DICER1: variants seen among roughly 807,000 people sequenced by gnomAD.
DICER1 encodes dicer 1, ribonuclease III.
Under a neutral mutation model 194.1 loss-of-function variants are expected in DICER1, and 43 were observed. The observed-to-expected ratio is 0.22, with a 90% CI of 0.17 to 0.29. The LOEUF is 0.29. Ranked by LOEUF, DICER1 falls within the 10% of genes least tolerant of loss-of-function variation. The pLI, the probability that DICER1 is intolerant of heterozygous loss-of-function variation, is 1.00. For synonymous variants in DICER1, 832 were observed against 820.5 expected (o/e 1.01, Z -0.24); for missense variants, 1,608 against 2,317.0 (o/e 0.69, Z 6.28).
intron 1 of DICER1, among the ~76,000 whole-genome samples, chr14:95,152,789 TTTA>T (rs1167474114): frequency 2.6e-5 from 4 of 152,356 alleles, no homozygotes; most frequent in African/African-American, 9.6e-5. Flanking sequence ...TAACAAAGGC[TTTA>T]TTACATAACT....
At chr14:95,121,542 T>A (rs1272279490) in intron 8 of DICER1, among the ~76,000 whole-genome samples, 1 of 152,076 alleles carries the variant, frequency 6.6e-6, no homozygotes, top group Non-Finnish European at 1.5e-5. Flanking sequence ...AATAAAAAGT[T>A]ATTAGGAAAA....
rs140875148 is a variant in DICER1 at position 95,096,010 on chromosome 14, G to C, written c.4910C>G (p.Ser1637Trp). Residue 1637 changes from serine to tryptophan, a missense_variant, in exon 23 of 27, where the codon TCG (serine) becomes TGG (tryptophan). By Grantham distance (177) the Ser-to-Trp change is radical. Around this residue, in one of 10 missense-constraint regions of DICER1, gnomAD observed 125 missense variants for 134.9 expected, o/e 0.93. Coordinates refer to ENST00000343455, the MANE Select transcript of DICER1 (RefSeq NM_177438.3). ...TGGAATCTTCAAACAACCATATTCC[G>C]AGTCTTTCAATACAGAAGAGCGTGA... Reference protein sequence around the residue: ...ASSRSSVLKDSEYGCLKIPPR... With the variant: ...ASSRSSVLKDWEYGCLKIPPR... 2 of 1,614,170 alleles carry C rather than the reference G, an allele frequency of 1.2e-6. No individual in the cohort carries two copies. Among genetic ancestry groups the C allele is most frequent in the Non-Finnish European group, 1.7e-6 (2 of 1,180,024 alleles).
intron 8 of DICER1, among the ~76,000 whole-genome samples, chr14:95,122,915 C>T (rs1431299720): frequency 4.6e-5 from 7 of 151,206 alleles, no homozygotes; most frequent in African/African-American, 9.7e-5. Flanking sequence ...AGCAGTTAAG[C>T]GCGTGTGCGC....
In DICER1 at chr14:95,087,293, T is replaced by A. The variant is rs199910883; in HGVS notation, c.*3205A>T. ...ATTTTAAAAGACAATTACAGGAGTG[T>A]TAGAGGTCATTCTAAATTTCATCAC... On this transcript the variant is annotated 3_prime_UTR_variant, in exon 27 of 27. Transcript: ENST00000343455. The A allele has an allele frequency of 8.6e-6, 2 of 233,248 alleles. No homozygotes were observed. The highest frequency in any genetic ancestry group is 1.2e-4 in the East Asian group (2 of 16,466). 14.4% of individuals were successfully genotyped at this position (233,248 alleles called of 1,614,324 possible).
At chr14:95,148,102 G>A (rs1013299580) in intron 1 of DICER1, among the ~76,000 whole-genome samples, 1 of 152,196 alleles carries the variant, frequency 6.6e-6, no homozygotes, top group Non-Finnish European at 1.5e-5. Context: ...CACAGGGTTA[G>A]GTATGGAGAA....
chr14:95,116,829 G>A, intron 9 of DICER1, 134 bp from the exon 10 acceptor site: 1 of 892,458 alleles, frequency 1.1e-6, no homozygotes, highest in Admixed American at 2.0e-5. Context: ...CTTAAGGCCA[G>A]GCTAAAGAAG....
At chr14:95,103,101 C>A (rs563193610) in intron 21 of DICER1, among the ~76,000 whole-genome samples, 1 of 152,134 alleles carries the variant, frequency 6.6e-6, no homozygotes, top group African/African-American at 2.4e-5. Context: ...AAGTAAGGCA[C>A]GTGGAGATCA....
At position 95,129,942 on chromosome 14, in the gene DICER1, G is replaced by A. The variant is rs1953535; in HGVS notation, c.573+116C>T. On this transcript the variant is annotated intron_variant, in intron 5 of 26. Transcript: ENST00000343455. ...TTTAATATTCATTCATTCATACACT[G>A]CAGCCAAACTCCCAATATTGATAAC... The A allele has an allele frequency of 0.11, 103,729 of 930,470 alleles. 8,354 individuals carry two copies. Among genetic ancestry groups the A allele is most frequent in the East Asian group, 0.42 (16,031 of 38,044 alleles). The allele number at this position is 930,470 out of a possible 1,614,324, so 57.6% of individuals were successfully genotyped here.
At chr14:95,100,884 G>T (rs1890818330) in intron 21 of DICER1, among the ~76,000 whole-genome samples, 1 of 152,198 alleles carries the variant, frequency 6.6e-6, no homozygotes, top group African/African-American at 2.4e-5. Flanking sequence ...GCAGGGAAAA[G>T]GAGGGTACGT....
Position 95,103,395 on chromosome 14 carries a change from G to A in DICER1, c.4001C>T (p.Thr1334Ile), listed in dbSNP as rs1555369296. ...KHAITTYLFC[T>I]YPDAHEGRLS... ...GCGGCCCTCATGCGCATCAGGGTAAGTGCAAAATAGATATGTGGTGATGGC... is the reference window on the plus strand; with the variant it reads ...GCGGCCCTCATGCGCATCAGGGTAAATGCAAAATAGATATGTGGTGATGGC... The change falls in exon 21 of 27, where the codon ACT (threonine) becomes ATT (isoleucine). Residue 1334 changes from threonine to isoleucine, a missense_variant. Thr to Ile is a moderately conservative substitution (Grantham distance 89, BLOSUM62 -1). Transcript: ENST00000343455. 1.2e-6 allele frequency: 2 copies of A among 1,614,204 alleles called. No individual in the cohort carries two copies. The highest frequency in any genetic ancestry group is 1.1e-5 in the South Asian group (1 of 91,080).
chr14:95,107,541 T>C lies in DICER1; in HGVS notation c.2804+67A>G, dbSNP rs113101769. 2.3e-4 allele frequency: 352 copies of C among 1,553,180 alleles called. No homozygotes were observed. The African/African-American group carries it at 3.8e-3, about 17-fold the overall frequency. On this transcript the variant is annotated intron_variant, in intron 17 of 26. Coordinates refer to ENST00000343455, the MANE Select transcript of DICER1 (RefSeq NM_177438.3). ...CTGGGACTGCAGGCGTGAGCCACCG[T>C]GCCCGACCTAGTGCATCTTTTAAAA...
chr14:95,129,220 A>G, intron 6 of DICER1: 1 of 439,906 alleles, frequency 2.3e-6, no homozygotes, highest in Middle Eastern at 6.3e-4. Flanking sequence ...TGGCAACAAC[A>G]GCAAATAGGA....
chr14:95,120,551 A>C (rs1892854948), intron 8 of DICER1, among the ~76,000 whole-genome samples: 1 of 152,218 alleles, frequency 6.6e-6, no homozygotes, highest in South Asian at 2.1e-4. Context: ...GGCAGGGAGA[A>C]ATACAAGAGC....
Position 95,106,100 on chromosome 14 carries a change from G to A in DICER1, c.2928C>T (p.Tyr976=), listed in dbSNP as rs1891397547. 1.2e-6 allele frequency: 2 copies of A among 1,614,176 alleles called. No individual in the cohort carries two copies. The highest frequency in any genetic ancestry group is 1.7e-6 in the Non-Finnish European group (2 of 1,180,020). The part of the protein sequence containing the change: ...ETFAEYYKTK[Y]NLDLTNLNQP... The stretch of plus-strand genomic sequence containing the variant: ...GGTTGAGATTGGTTAGGTCAAGGTT[G>A]TACTTTGTTTTATAATATTCTGCAA... Residue 976 remains tyrosine, a synonymous_variant, in exon 18 of 27, where the codon TAC becomes TAT. Coordinates refer to ENST00000343455, the MANE Select transcript of DICER1 (RefSeq NM_177438.3).
At chr14:95,132,221 C>T (rs1229545673) in intron 3 of DICER1, among the ~76,000 whole-genome samples, 1 of 151,962 alleles carries the variant, frequency 6.6e-6, no homozygotes, top group Admixed American at 6.6e-5. Flanking sequence ...CTTGGTGAAG[C>T]TAAAACATCA....
At chr14:95,150,725 A>G (rs8006416) in intron 1 of DICER1, among the ~76,000 whole-genome samples, 138,048 of 152,258 alleles carry the variant, frequency 0.91, 62,943 homozygotes, top group African/African-American at 0.96. Flanking sequence ...AATGAAAACT[A>G]GTATTTTTAT....
At chr14:95,091,576 A>G (rs938509672) in intron 24 of DICER1, among the ~76,000 whole-genome samples, 5 of 152,224 alleles carry the variant, frequency 3.3e-5, no homozygotes, top group Non-Finnish European at 5.9e-5. Context: ...AAAAGAAAAA[A>G]TATCCCCACC....
At chr14:95,103,246 A>G (rs1267177123) in intron 21 of DICER1, 100 bp downstream of exon 21, 1 of 1,325,382 alleles carries the variant, frequency 7.5e-7, no homozygotes, top group Non-Finnish European at 1.1e-6. Flanking sequence ...GCAATTTCTG[A>G]GCATGATACG....
chr14:95,115,506 TA>T (rs897664270), intron 11 of DICER1, among the ~76,000 whole-genome samples, 160 bp downstream of exon 11: 17 of 151,272 alleles, frequency 1.1e-4, no homozygotes, highest in Admixed American at 9.9e-4. Context: ...CCTTTTGATT[TA>T]AAAAAAAATG....
Sources: gnomAD v4.1 joint callset for allele counts (sites outside exome capture counted in the v4.1 genomes callset) on GRCh38, gnomAD v4.1.1 for gene constraint, gnomAD v4.1.1 regional missense constraint, MANE v1.5 for transcripts, NCBI Gene and HGNC (gene_info 2026-07-23, HGNC 2026-07-21) for gene names.